FAM228B: variants seen among roughly 807,000 people sequenced by gnomAD.
FAM228B encodes the protein protein FAM228B.
A neutral mutation model predicts 42.6 loss-of-function variants in FAM228B; 38 were observed. The ratio of observed to expected loss-of-function variants is 0.89; its 90% CI spans 0.69 to 1.17. FAM228B has a LOEUF of 1.17. Among genes scored for constraint, FAM228B ranks in the 50% most tolerant of loss-of-function variants. The pLI, the probability that FAM228B is intolerant of heterozygous loss-of-function variation, is 0.00. For synonymous variants in FAM228B, 109 were observed against 122.3 expected (o/e 0.89, Z 0.72); for missense variants, 344 against 367.3 (o/e 0.94, Z 0.52).
chr2:24,114,931 G>A (rs1573745456), intron 3 of FAM228B, among the ~76,000 whole-genome samples: 2 of 152,180 alleles, frequency 1.3e-5, no homozygotes, highest in Admixed American at 1.3e-4. Context: ...TGATTTTTGA[G>A]AAGGCCTTTC....
At chr2:24,079,217 T>A in intron 1 of FAM228B, 1 of 533,598 alleles carries the variant, frequency 1.9e-6, no homozygotes, top group Admixed American at 3.1e-5. Flanking sequence ...AATGTTCAGA[T>A]AACCTGTGAA....
At chr2:24,127,103 C>G (rs1352374710) in intron 2 of FAM228B, among the ~76,000 whole-genome samples, 2 of 152,138 alleles carry the variant, frequency 1.3e-5, no homozygotes, top group Non-Finnish European at 2.9e-5. Flanking sequence ...CAGTCACCCC[C>G]CATTCCCCTC....
rs1011106937 is a variant in FAM228B at position 24,077,259 on chromosome 2, G to C, written c.-290+290G>C. 6.6e-6 allele frequency among the ~76,000 whole-genome samples: 1 copy of C among 152,184 alleles called. No homozygotes were observed. The highest frequency in any genetic ancestry group is 1.9e-4 in the East Asian group (1 of 5,162). On this transcript the variant is annotated intron_variant, in intron 1 of 10. Coordinates refer to the FAM228B transcript ENST00000613899. This position sits in a 1 kb window ranked among gnomAD's most constrained non-coding sequence, Gnocchi z 5.5. ...TAGCTGTGCGCAAGGCGGAATATGT[G>C]GGGTTCTGGCGGCTTGTGTCACGGC...
chr2:24,129,159 T>TC (rs1666385829), intron 2 of FAM228B, among the ~76,000 whole-genome samples: 1 of 152,034 alleles, frequency 6.6e-6, no homozygotes, highest in Non-Finnish European at 1.5e-5. Context: ...ACCTATGAAC[T>TC]CCAACTGCTC....
rs1399484044 is a variant in FAM228B, at chr2:24,080,350, A to G, written c.-289-526A>G. On this transcript the variant is annotated intron_variant, in intron 1 of 10. Transcript: ENST00000613899. This position sits in a 1 kb window ranked among gnomAD's most constrained non-coding sequence, Gnocchi z 4.7. ...ATCCTCAGTGACAGAGTGAGACTCC[A>G]TCTCAAAAAAAAAAAAGAAAGAGAA... Among the ~76,000 whole-genome samples, 2 of 148,318 alleles carry G rather than the reference A, an allele frequency of 1.3e-5. No homozygotes were observed. Among genetic ancestry groups the G allele is most frequent in the African/African-American group, 4.9e-5 (2 of 40,674 alleles).
At chr2:24,078,480 T>TAAAAAAA (rs36089798) in intron 1 of FAM228B, among the ~76,000 whole-genome samples, 1 of 104,952 alleles carries the variant, frequency 9.5e-6, no homozygotes. Flanking sequence ...CCTGTCTCCA[T>TAAAAAAA]AAAAAAAAAA....
intron 3 of FAM228B, among the ~76,000 whole-genome samples, chr2:24,114,146 T>C (rs1376022302): frequency 6.6e-6 from 1 of 152,174 alleles, no homozygotes; most frequent in Non-Finnish European, 1.5e-5. Context: ...AATTTTGAAT[T>C]CTGTACCTCA....
intron 5 of FAM228B, among the ~76,000 whole-genome samples, chr2:24,141,048 G>A (rs1424258531): frequency 6.6e-6 from 1 of 150,858 alleles, no homozygotes; most frequent in Non-Finnish European, 1.5e-5. Flanking sequence ...CAAATTATTT[G>A]TTAATAAGGT....
intron 2 of FAM228B, chr2:24,085,269 C>G (rs980562896): frequency 1.8e-4 from 27 of 152,108 alleles, no homozygotes; most frequent in Admixed American, 1.8e-3. Flanking sequence ...CCTTATCACT[C>G]GCCTCCTCCT....
chr2:24,139,480 G>A (rs765417379), intron 5 of FAM228B, 30 bp downstream of exon 5: 41 of 1,377,480 alleles, frequency 3.0e-5, no homozygotes, highest in South Asian at 8.8e-5. Context: ...TTTAACTTTG[G>A]TATTATGTGT....
At chr2:24,167,578 T>C in intron 9 of FAM228B, 49 bp from the exon 10 acceptor site, 1 of 1,550,428 alleles carries the variant, frequency 6.4e-7, no homozygotes, top group Non-Finnish European at 8.7e-7. Flanking sequence ...GTAACTAATA[T>C]GGCCAGTCTC....
intron 5 of FAM228B, among the ~76,000 whole-genome samples, chr2:24,143,336 A>G (rs535413248): frequency 1.6e-4 from 24 of 151,988 alleles, no homozygotes; most frequent in South Asian, 4.2e-4. Flanking sequence ...GCCCGCCACC[A>G]CGCCCGGCTA....
At chr2:24,155,531 A>ATTTTTTTTTT (rs70944720) in intron 7 of FAM228B, among the ~76,000 whole-genome samples, 4 of 13,044 alleles carry the variant, frequency 3.1e-4, no homozygotes, top group African/African-American at 6.5e-4. Context: ...ATATATATAT[A>ATTTTTTTTTT]TTTTTTTTTT....
At chr2:24,093,721 T>G (rs58334678) in intron 2 of FAM228B, among the ~76,000 whole-genome samples, 54 of 151,944 alleles carry the variant, frequency 3.6e-4, no homozygotes, top group Middle Eastern at 3.4e-3. Context: ...GTTCAAGCGA[T>G]TCTCCTGCCT....
chr2:24,079,731 T>C (rs1388940225), intron 1 of FAM228B: 35 of 1,248,562 alleles, frequency 2.8e-5, no homozygotes, highest in Non-Finnish European at 3.4e-5. Context: ...TAAATACAGA[T>C]GCAAGTGGTA....
chr2:24,155,281 A>T (rs1252779777), intron 7 of FAM228B, among the ~76,000 whole-genome samples: 1 of 151,802 alleles, frequency 6.6e-6, no homozygotes, highest in South Asian at 2.1e-4. Context: ...TTCCACCCTT[A>T]CTTACTTATT....
At chr2:24,101,746 G>A (rs958308930) in intron 3 of FAM228B, among the ~76,000 whole-genome samples, 1 of 152,028 alleles carries the variant, frequency 6.6e-6, no homozygotes, top group Non-Finnish European at 1.5e-5. Context: ...GCACTGGCGC[G>A]ATCTCAGCTC....
chr2:24,108,566 G>A (rs1201829599), intron 3 of FAM228B, among the ~76,000 whole-genome samples: 1 of 152,136 alleles, frequency 6.6e-6, no homozygotes, highest in Non-Finnish European at 1.5e-5. Context: ...TCAACAAAAT[G>A]CTAGCAAACT....
chr2:24,085,468 C>T (rs1384993784), intron 2 of FAM228B, among the ~76,000 whole-genome samples: 2 of 152,170 alleles, frequency 1.3e-5, no homozygotes, highest in East Asian at 1.9e-4. Flanking sequence ...CCTCCCCCCA[C>T]TACATATCCG....
Sources: gnomAD v4.1 joint callset for allele counts (sites outside exome capture counted in the v4.1 genomes callset) on GRCh38, gnomAD v4.1.1 for gene constraint, Gnocchi (gnomAD v3.1) non-coding constraint, MANE v1.5 for transcripts, NCBI Gene and HGNC (gene_info 2026-07-23, HGNC 2026-07-21) for gene names.